Variants in THRB observed in about 807,000 individuals in gnomAD.
The protein encoded by THRB is thyroid hormone receptor beta.
In THRB, 12 loss-of-function variants were observed where a neutral mutation model predicts 47.8. The observed-to-expected ratio is 0.25, with a 90% CI of 0.16 to 0.41. THRB has a LOEUF of 0.41. Among genes scored for constraint, THRB ranks in the 10% least tolerant of loss-of-function variants. THRB has a pLI of 1.00. For missense variants in THRB, 348 were observed against 589.2 expected, an observed-to-expected ratio of 0.59 and a Z score of 4.24; for synonymous variants, 218 against 212.2, an observed-to-expected ratio of 1.03 and a Z score of -0.24.
chr3:24,144,199 G>T (rs1042397043), intron 7 of THRB: 1 of 178,808 alleles, frequency 5.6e-6, no homozygotes, highest in African/African-American at 2.4e-5. Flanking sequence ...TGGGAGGCTC[G>T]TGATCCCTTT....
chr3:24,162,205 A>T (rs1357545982), intron 5 of THRB, among the ~76,000 whole-genome samples: 3 of 152,068 alleles, frequency 2.0e-5, no homozygotes, highest in Non-Finnish European at 4.4e-5. Flanking sequence ...AAAAGAGAAA[A>T]AAAAGTCAAC....
chr3:24,356,007 A>G (rs922898187), intron 1 of THRB, among the ~76,000 whole-genome samples: 1 of 152,182 alleles, frequency 6.6e-6, no homozygotes, highest in African/African-American at 2.4e-5. Context: ...GGTATGATTC[A>G]TCCTGAGGCA....
At chr3:24,402,419 C>A (rs377142366) in intron 1 of THRB, among the ~76,000 whole-genome samples, 1 of 151,624 alleles carries the variant, frequency 6.6e-6, no homozygotes, top group East Asian at 1.9e-4. Context: ...AATTTGGGAA[C>A]TGCTGTTCTA....
At chr3:24,370,778 C>T (rs950477088) in intron 1 of THRB, among the ~76,000 whole-genome samples, 7 of 152,088 alleles carry the variant, frequency 4.6e-5, no homozygotes, top group Admixed American at 3.9e-4. Context: ...CAAGGGCTCC[C>T]CAAGCTAGGA....
At chr3:24,410,798 C>G (rs146575625) in intron 1 of THRB, among the ~76,000 whole-genome samples, 5 of 151,902 alleles carry the variant, frequency 3.3e-5, no homozygotes, top group Non-Finnish European at 7.4e-5. Flanking sequence ...CTGCAGCTAT[C>G]CTATTTGTTA....
intron 1 of THRB, among the ~76,000 whole-genome samples, chr3:24,454,842 A>G (rs1278318204): frequency 1.3e-5 from 2 of 152,196 alleles, no homozygotes; most frequent in Non-Finnish European, 2.9e-5. Flanking sequence ...CTCGGAAAGA[A>G]TAAACATCCT....
intron 1 of THRB, among the ~76,000 whole-genome samples, chr3:24,367,618 T>A (rs1194646546): frequency 6.6e-6 from 1 of 152,126 alleles, no homozygotes; most frequent in East Asian, 1.9e-4. Flanking sequence ...AAAATGGAAA[T>A]TTTCAAAGCA....
At chr3:24,435,253 C>T (rs1237363771) in intron 1 of THRB, among the ~76,000 whole-genome samples, 1 of 151,998 alleles carries the variant, frequency 6.6e-6, no homozygotes. Context: ...CTAAACTGAG[C>T]GGGTAGATAG....
Position 24,269,436 on chromosome 3 carries a change from CACACACTT to C in THRB, c.-43+27782_-43+27789del, listed in dbSNP as rs1430779713. Among the ~76,000 whole-genome samples, 669 of 137,454 alleles carry C rather than the reference CACACACTT, an allele frequency of 4.9e-3. 9 individuals carry two copies. The highest frequency in any genetic ancestry group is 0.019 in the African/African-American group (625 of 33,068). The allele number at this position is 137,454 out of a possible 152,430, so 90.2% of individuals were successfully genotyped here. A position where few individuals can be genotyped will look rare whatever the true frequency, so the allele number is the denominator to read the frequency against. ...ACACACACACACACACACACACACA[CACACACTT>C]AAGTTATCTTCGCTGTGTTGTCCAG... On this transcript the variant is annotated intron_variant, in intron 3 of 10. Coordinates refer to ENST00000646209, the MANE Select transcript of THRB (RefSeq NM_001354712.2).
At chr3:24,253,238 T>C (rs768359770) in intron 3 of THRB, among the ~76,000 whole-genome samples, 7 of 152,210 alleles carry the variant, frequency 4.6e-5, no homozygotes, top group African/African-American at 1.2e-4. Context: ...TGTATATCTA[T>C]AGAAAGGTAA....
rs143923127 is a variant in THRB at position 24,397,945 on chromosome 3, C to T, written c.-260-60574G>A. On this transcript the variant is annotated intron_variant, in intron 1 of 10. Coordinates refer to ENST00000646209, the MANE Select transcript of THRB (RefSeq NM_001354712.2). Reference sequence around the variant, plus strand: ...AATCCCTCTACTGGTGGCGTCAGACCGAAGAATTCTCTCTAGTTGTCAAGC... The same window carrying T: ...AATCCCTCTACTGGTGGCGTCAGACTGAAGAATTCTCTCTAGTTGTCAAGC... 1.2e-4 allele frequency among the ~76,000 whole-genome samples: 19 copies of T among 152,096 alleles called. No homozygotes were observed. In the East Asian group the frequency reaches 1.6e-3, roughly 12 times the overall value.
At chr3:24,478,122 A>G (rs779880041) in intron 1 of THRB, among the ~76,000 whole-genome samples, 24 of 152,286 alleles carry the variant, frequency 1.6e-4, no homozygotes, top group Non-Finnish European at 1.5e-4. Context: ...TAAACGATAT[A>G]GTTAGAATTA....
At chr3:24,238,288 G>T (rs1467596666) in intron 3 of THRB, among the ~76,000 whole-genome samples, 1 of 134,676 alleles carries the variant, frequency 7.4e-6, no homozygotes, top group Non-Finnish European at 1.7e-5. Flanking sequence ...TGGGGGGGGG[G>T]GGGGTGTGTG....
At chr3:24,481,837 TA>T (rs35810270) in intron 1 of THRB, among the ~76,000 whole-genome samples, 24,441 of 118,844 alleles carry the variant, frequency 0.21, 2,325 homozygotes, top group African/African-American at 0.3. Context: ...ATATGGACCA[TA>T]AAAAAAAAAA....
chr3:24,412,765 A>G (rs1000506538), intron 1 of THRB, among the ~76,000 whole-genome samples: 9 of 152,000 alleles, frequency 5.9e-5, no homozygotes, highest in Middle Eastern at 6.8e-3. Context: ...CATTTACGGC[A>G]CAAATTTAAA....
chr3:24,138,257 G>C (rs941894213), intron 8 of THRB, among the ~76,000 whole-genome samples: 1 of 152,070 alleles, frequency 6.6e-6, no homozygotes, highest in Non-Finnish European at 1.5e-5. Context: ...TTCTTCACTT[G>C]TTCATAGGAT....
Position 24,170,518 on chromosome 3 carries a change from C to T in THRB, c.284-18028G>A, listed in dbSNP as rs569291987. Among the ~76,000 whole-genome samples the T allele has an allele frequency of 1.2e-4, 18 of 152,294 alleles. No homozygotes were observed. In the South Asian group the frequency reaches 1.5e-3, roughly 12 times the overall value. On this transcript the variant is annotated intron_variant, in intron 5 of 10. Transcript: ENST00000646209. ...TTTAGAACAAAATCCAAACCTCTAC[C>T]AAAAGGTGGTCCTTCCCCACTACTT...
chr3:24,470,944 T>C (rs1204510350), intron 1 of THRB, among the ~76,000 whole-genome samples: 3 of 152,216 alleles, frequency 2.0e-5, no homozygotes, highest in Admixed American at 2.0e-4. Context: ...CACTTCAACA[T>C]GTCAATCTAT....
At chr3:24,233,315 C>T (rs1463233953) in intron 3 of THRB, among the ~76,000 whole-genome samples, 1 of 151,904 alleles carries the variant, frequency 6.6e-6, no homozygotes, top group Non-Finnish European at 1.5e-5. Flanking sequence ...GCATCTTGGG[C>T]TGCATGGACA....
Sources: allele counts gnomAD v4.1 joint callset (sites outside exome capture counted in the v4.1 genomes callset), GRCh38; gene constraint gnomAD v4.1.1; transcripts MANE v1.5; gene names NCBI Gene and HGNC (gene_info 2026-07-23, HGNC 2026-07-21).